DVL3: variants seen among roughly 807,000 people sequenced by gnomAD.
The protein encoded by DVL3 is segment polarity protein dishevelled homolog DVL-3.
DVL3 carries 27 observed loss-of-function variants against 67.4 expected under a neutral mutation model. That is an observed-to-expected ratio of 0.40 (90% CI 0.30 to 0.55). The LOEUF (loss-of-function observed/expected upper bound fraction) is 0.55. DVL3 is among the 20% of genes least tolerant of loss of function. The pLI, the probability that DVL3 is intolerant of heterozygous loss-of-function variation, is 0.46. For missense variants in DVL3, 819 were observed against 1,021.5 expected, an observed-to-expected ratio of 0.80 and a Z score of 2.70; for synonymous variants, 369 against 396.8, an observed-to-expected ratio of 0.93 and a Z score of 0.83.
Position 184,166,028 on chromosome 3 carries a change from A to G in DVL3, c.764-98A>G, listed in dbSNP as rs1263027479. 2 of 1,442,268 alleles carry G rather than the reference A, an allele frequency of 1.4e-6. No homozygotes were observed. The highest frequency in any genetic ancestry group is 1.9e-6 in the Non-Finnish European group (2 of 1,056,274). The allele number at this position is 1,442,268 out of a possible 1,614,324, so 89.3% of individuals were successfully genotyped here. ...TGCAGTGCCTGATTCAGGATCAGCA[A>G]ATGTCAGTTCAGTTCCTGTCCCTTT... On this transcript the variant is annotated intron_variant, in intron 7 of 14. Coordinates refer to ENST00000313143, the MANE Select transcript of DVL3 (RefSeq NM_004423.4). The surrounding 1 kb of genome is among the most constrained non-coding windows in gnomAD (Gnocchi z 6.7).
chr3:184,162,172 G>A (rs1427105078), intron 1 of DVL3, among the ~76,000 whole-genome samples: 2 of 140,916 alleles, frequency 1.4e-5, no homozygotes, highest in East Asian at 4.3e-4. Flanking sequence ...CTCAATAAAT[G>A]ACAGCAATTT....
rs756652135 is a variant in DVL3, at chr3:184,170,150, A to G, written c.1643A>G (p.Asn548Ser). 2 of 1,611,124 alleles carry G rather than the reference A, an allele frequency of 1.2e-6. No individual in the cohort carries two copies. Among genetic ancestry groups the G allele is most frequent in the Non-Finnish European group, 1.7e-6 (2 of 1,179,830 alleles). ...YQYPPPPHPY[N>S]PHPGFPELGY... ...TACCCGCCACCCCCGCACCCATACA[A>G]CCCGCACCCGGGCTTCCCGGAGCTG... is the stretch of plus-strand genomic sequence containing the variant. Residue 548 changes from asparagine (N) to serine (S), a missense_variant, in exon 14 of 15, where the codon AAC becomes AGC. By Grantham distance (46) the Asn-to-Ser change is conservative (BLOSUM62 1). Around this residue, in one of 3 missense-constraint regions of DVL3, gnomAD observed 324 missense variants for 331.3 expected, o/e 0.98. Coordinates refer to ENST00000313143, the MANE Select transcript of DVL3 (RefSeq NM_004423.4). The surrounding 1 kb of genome is among the most constrained non-coding windows in gnomAD (Gnocchi z 6.5).
chr3:184,168,624 C>G (rs1714683463), intron 13 of DVL3, among the ~76,000 whole-genome samples: 1 of 152,216 alleles, frequency 6.6e-6, no homozygotes, highest in Non-Finnish European at 1.5e-5. Context: ...CACAGGCAGC[C>G]TCAGAGCCCT....
Position 184,167,720 on chromosome 3 carries a change from G to C in DVL3, c.1330+9G>C. 1 of 1,537,496 alleles carries C rather than the reference G, an allele frequency of 6.5e-7. No individual in the cohort carries two copies. On this transcript the variant is annotated intron_variant, in intron 12 of 14. Transcript: ENST00000313143. The surrounding 1 kb of genome is among the most constrained non-coding windows in gnomAD (Gnocchi z 4.6). The stretch of plus-strand genomic sequence containing the variant: ...CCCTAATGCTTTCATCGGTGAGAGA[G>C]CCCCATGGTGGGATGCAGGGTGGGT...
At chr3:184,169,441 T>C (rs2109023372) in intron 13 of DVL3, among the ~76,000 whole-genome samples, 1 of 152,232 alleles carries the variant, frequency 6.6e-6, no homozygotes, top group Non-Finnish European at 1.5e-5. Context: ...GCGCCTGTAA[T>C]CCCAGCCTTT....
intron 1 of DVL3, among the ~76,000 whole-genome samples, chr3:184,157,347 A>C (rs111236810): frequency 6.6e-6 from 1 of 152,270 alleles, no homozygotes; most frequent in East Asian, 1.9e-4. Flanking sequence ...GATGAGCCAG[A>C]GTCCAGTGCC....
In DVL3 at chr3:184,171,358, A is replaced by G. The variant is rs1322578003; in HGVS notation, c.*603A>G. 4.0e-6 allele frequency: 4 copies of G among 1,006,542 alleles called. No individual in the cohort carries two copies. Among genetic ancestry groups the G allele is most frequent in the African/African-American group, 1.7e-5 (1 of 57,366 alleles). 62.4% of individuals were successfully genotyped at this position (1,006,542 alleles called of 1,614,324 possible). A position where few individuals can be genotyped will look rare whatever the true frequency, so the allele number is the denominator to read the frequency against. On this transcript the variant is annotated 3_prime_UTR_variant, in exon 15 of 15. Transcript: ENST00000313143. Reference sequence around the variant, plus strand: ...CCATGCCATCCCTGCCTGTGCCTAGATCAGAGGCCCAGAGGGCCCCCTCAG... The same window carrying G: ...CCATGCCATCCCTGCCTGTGCCTAGGTCAGAGGCCCAGAGGGCCCCCTCAG...
intron 1 of DVL3, chr3:184,156,823 G>A (rs961870158): frequency 1.8e-5 from 5 of 278,476 alleles, no homozygotes; most frequent in African/African-American, 4.4e-5. Context: ...AGGCGGTGGG[G>A]AAGGCCCCTC....
At position 184,165,776 on chromosome 3, in the gene DVL3, T is replaced by A. The variant is rs868151882; in HGVS notation, c.763+285T>A. ...TCTCTCAGCCATTGCATCCTTGCTC[T>A]CCGATTTCTGCCCTAGGTACTCTCT... is the stretch of plus-strand genomic sequence containing the variant. On this transcript the variant is annotated intron_variant, in intron 7 of 14. Coordinates refer to ENST00000313143, the MANE Select transcript of DVL3 (RefSeq NM_004423.4). The surrounding 1 kb of genome is among the most constrained non-coding windows in gnomAD (Gnocchi z 4.1). Among the ~76,000 whole-genome samples the A allele has an allele frequency of 3.3e-5, 5 of 152,342 alleles. No individual in the cohort carries two copies. The highest frequency in any genetic ancestry group is 5.9e-5 in the Non-Finnish European group (4 of 68,026).
chr3:184,166,413 C>T lies in DVL3; in HGVS notation c.904-33C>T. On this transcript the variant is annotated intron_variant, in intron 8 of 14. Transcript: ENST00000313143. This position sits in a 1 kb window ranked among gnomAD's most constrained non-coding sequence, Gnocchi z 6.7. ...AGTTCCCTTTTCATCCTCCCCAGCA[C>T]AGCTGTTTATCCCACTCCTGGTCCT... 1 of 1,613,606 alleles carries T rather than the reference C, an allele frequency of 6.2e-7. No homozygotes were observed. The highest frequency in any genetic ancestry group is 8.5e-7 in the Non-Finnish European group (1 of 1,179,518).
At position 184,171,399 on chromosome 3, in the gene DVL3, G is replaced by A. The variant is rs1714832490; in HGVS notation, c.*644G>A. ...GCCCCCTCAGTTGCCTGAGCAGCTG[G>A]TGGCTTCCAGGGAGCATCTCTGCTC... On this transcript the variant is annotated 3_prime_UTR_variant, in exon 15 of 15. Coordinates refer to ENST00000313143, the MANE Select transcript of DVL3 (RefSeq NM_004423.4). 1.0e-6 allele frequency: 1 copy of A among 997,234 alleles called. No homozygotes were observed. Among genetic ancestry groups the A allele is most frequent in the Admixed American group, 6.0e-5 (1 of 16,562 alleles). The allele number at this position is 997,234 out of a possible 1,614,324, so 61.8% of individuals were successfully genotyped here.
chr3:184,164,424 G>C lies in DVL3; in HGVS notation c.353+36G>C, dbSNP rs780300833. The C allele has an allele frequency of 1.2e-6, 2 of 1,609,156 alleles. No homozygotes were observed. Among genetic ancestry groups the C allele is most frequent in the African/African-American group, 2.7e-5 (2 of 74,810 alleles). On this transcript the variant is annotated intron_variant, in intron 3 of 14. Transcript: ENST00000313143. This position sits in a 1 kb window ranked among gnomAD's most constrained non-coding sequence, Gnocchi z 5.3. ...CCTGAGGGTGGGGAGGGCCGCATCA[G>C]TTCAGCCCAGGGCTGGGGGAGGGAG...
In DVL3 at chr3:184,167,868, C is replaced by T. The variant is rs199998396; in HGVS notation, c.1331-30C>T. The stretch of plus-strand genomic sequence containing the variant: ...CCAGATGAGTCCAAGTCAGATGGGC[C>T]TCCCCATCAACTGGCAGCCTTGTCC... On this transcript the variant is annotated intron_variant, in intron 12 of 14. Coordinates refer to ENST00000313143, the MANE Select transcript of DVL3 (RefSeq NM_004423.4). This position sits in a 1 kb window ranked among gnomAD's most constrained non-coding sequence, Gnocchi z 4.6. The T allele has an allele frequency of 1.2e-6, 2 of 1,614,100 alleles. No individual in the cohort carries two copies. The highest frequency in any genetic ancestry group is 1.3e-5 in the African/African-American group (1 of 75,068).
At chr3:184,168,505 C>A (rs987497090) in intron 13 of DVL3, among the ~76,000 whole-genome samples, 1 of 152,230 alleles carries the variant, frequency 6.6e-6, no homozygotes, top group Non-Finnish European at 1.5e-5. Flanking sequence ...TGGAGGCTCA[C>A]GTCATCACCA....
chr3:184,163,639 A>G lies in DVL3; in HGVS notation c.162-18A>G. 6.2e-7 allele frequency: 1 copy of G among 1,612,392 alleles called. No individual in the cohort carries two copies. Among genetic ancestry groups the G allele is most frequent in the Non-Finnish European group, 8.5e-7 (1 of 1,178,798 alleles). ...TGCACCCTAGAAGGTTCTCTGTGAC[A>G]TCCCCCTTTCTCTGCAGAGTGGTGA... On this transcript the variant is annotated intron_variant, in intron 1 of 14. Coordinates refer to ENST00000313143, the MANE Select transcript of DVL3 (RefSeq NM_004423.4). The surrounding 1 kb of genome is among the most constrained non-coding windows in gnomAD (Gnocchi z 4.5).
At position 184,167,716 on chromosome 3, in the gene DVL3, G is replaced by T; in HGVS notation, c.1330+5G>T. ...CCATCCCTAATGCTTTCATCGGTGA[G>T]AGAGCCCCATGGTGGGATGCAGGGT... On this transcript the variant is annotated splice_donor_5th_base_variant and intron_variant, in intron 12 of 14. Coordinates refer to ENST00000313143, the MANE Select transcript of DVL3 (RefSeq NM_004423.4). This position sits in a 1 kb window ranked among gnomAD's most constrained non-coding sequence, Gnocchi z 4.6. The T allele has an allele frequency of 6.2e-7, 1 of 1,607,800 alleles. No individual in the cohort carries two copies. Among genetic ancestry groups the T allele is most frequent in the Non-Finnish European group, 8.5e-7 (1 of 1,176,604 alleles).
At position 184,164,254 on chromosome 3, in the gene DVL3, T is replaced by C. The variant is rs1395693516; in HGVS notation, c.232-13T>C. 6.2e-7 allele frequency: 1 copy of C among 1,612,936 alleles called. No individual in the cohort carries two copies. Among genetic ancestry groups the C allele is most frequent in the Non-Finnish European group, 8.5e-7 (1 of 1,179,542 alleles). Reference sequence around the variant, plus strand: ...TCCTGTAACATACTACTCACTCAGTTTCTCCCTTTCAGCTGGTGTCAGCTG... The same window carrying C: ...TCCTGTAACATACTACTCACTCAGTCTCTCCCTTTCAGCTGGTGTCAGCTG... On this transcript the variant is annotated splice_polypyrimidine_tract_variant and intron_variant, in intron 2 of 14. Transcript: ENST00000313143. The surrounding 1 kb of genome is among the most constrained non-coding windows in gnomAD (Gnocchi z 5.3).
Position 184,170,959 on chromosome 3 carries a change from C to T in DVL3, c.*204C>T. On this transcript the variant is annotated 3_prime_UTR_variant, in exon 15 of 15. Coordinates refer to ENST00000313143, the MANE Select transcript of DVL3 (RefSeq NM_004423.4). This position sits in a 1 kb window ranked among gnomAD's most constrained non-coding sequence, Gnocchi z 6.5. Reference sequence around the variant, plus strand: ...TGCAGCCCCCTAACCTGCCTCTGGCCCCAGTTCGTTTCCTCTGCCCACTAA... The same window carrying T: ...TGCAGCCCCCTAACCTGCCTCTGGCTCCAGTTCGTTTCCTCTGCCCACTAA... 1.3e-6 allele frequency: 2 copies of T among 1,527,404 alleles called. No homozygotes were observed. Among genetic ancestry groups the T allele is most frequent in the Non-Finnish European group, 1.8e-6 (2 of 1,140,130 alleles). The allele number at this position is 1,527,404 out of a possible 1,614,324, so 94.6% of individuals were successfully genotyped here.
rs953271289 is a variant in DVL3 at position 184,171,441 on chromosome 3, C to G, written c.*686C>G. The stretch of plus-strand genomic sequence containing the variant: ...TCTCTGCTCTACCCCTGCCCCATGC[C>G]TGCCCTGCGTGCTGGTTCCTTCAGA... On this transcript the variant is annotated 3_prime_UTR_variant, in exon 15 of 15. Coordinates refer to ENST00000313143, the MANE Select transcript of DVL3 (RefSeq NM_004423.4). 4.0e-6 allele frequency: 4 copies of G among 988,488 alleles called. No homozygotes were observed. Among genetic ancestry groups the G allele is most frequent in the Non-Finnish European group, 4.8e-6 (4 of 831,960 alleles). The allele number at this position is 988,488 out of a possible 1,614,324, so 61.2% of individuals were successfully genotyped here. A position where few individuals can be genotyped will look rare whatever the true frequency, so the allele number is the denominator to read the frequency against.
Sources: gnomAD v4.1 joint callset for allele counts (sites outside exome capture counted in the v4.1 genomes callset) on GRCh38, gnomAD v4.1.1 for gene constraint, gnomAD v4.1.1 regional missense constraint, Gnocchi (gnomAD v3.1) non-coding constraint, MANE v1.5 for transcripts, NCBI Gene and HGNC (gene_info 2026-07-23, HGNC 2026-07-21) for gene names.